The following CRMP1 variants were observed in gnomAD, a reference collection of about 807,000 sequenced individuals.
The protein encoded by CRMP1 is dihydropyrimidinase-related protein 1.
A neutral mutation model predicts 68.3 loss-of-function variants in CRMP1; 19 were observed. The ratio of observed to expected loss-of-function variants is 0.28; its 90% confidence interval spans 0.19 to 0.41. CRMP1 has a LOEUF of 0.41. Among genes scored for constraint, CRMP1 ranks in the 10% least tolerant of loss-of-function variants. The probability of loss-of-function intolerance (pLI) is 1.00; values close to 1 mark genes in which losing one functional copy is unlikely to be tolerated. For synonymous variants in CRMP1, 439 were observed against 399.6 expected (o/e 1.10, Z -1.18); for missense variants, 791 against 967.4 (o/e 0.82, Z 2.42).
Position 5,838,539 on chromosome 4 carries a change from C to T in CRMP1, c.1310+983G>A, listed in dbSNP as rs1321647826. Among the ~76,000 whole-genome samples the T allele has an allele frequency of 1.3e-5, 2 of 152,090 alleles. No homozygotes were observed. The highest frequency in any genetic ancestry group is 2.1e-4 in the South Asian group (1 of 4,830). On this transcript the variant is annotated intron_variant, in intron 9 of 13. Coordinates refer to ENST00000324989, the MANE Select transcript of CRMP1 (RefSeq NM_001014809.3). The surrounding 1 kb of genome is among the most constrained non-coding windows in gnomAD (Gnocchi z 4.9). ...GGATGGCCACAGCAGACAGGTGAGGCGTTGTCAGACTCTAGGGCCTCTGGT... is the reference window on the plus strand; with the variant it reads ...GGATGGCCACAGCAGACAGGTGAGGTGTTGTCAGACTCTAGGGCCTCTGGT...
At chr4:5,884,345 C>T (rs1280937997) in intron 1 of CRMP1, among the ~76,000 whole-genome samples, 1 of 152,036 alleles carries the variant, frequency 6.6e-6, no homozygotes, top group Non-Finnish European at 1.5e-5. Context: ...TTTACTTGAT[C>T]CTTCTTTCCT....
chr4:5,875,574 T>C (rs952072462), intron 1 of CRMP1, among the ~76,000 whole-genome samples: 7 of 152,028 alleles, frequency 4.6e-5, no homozygotes, highest in African/African-American at 1.4e-4. Flanking sequence ...TTGAGCTGAG[T>C]TCCACAATAT....
chr4:5,839,445 G>A lies in CRMP1; in HGVS notation c.1310+77C>T, dbSNP rs1409485343. The stretch of plus-strand genomic sequence containing the variant: ...TACAATCATGAGTCCAAACCAGCCT[G>A]CGGATTCCCACCATTAACTCTCTGC... On this transcript the variant is annotated intron_variant, in intron 9 of 13. Transcript: ENST00000324989. 7.9e-6 allele frequency: 12 copies of A among 1,517,634 alleles called. 1 individual carries two copies. Among genetic ancestry groups the A allele is most frequent in the Admixed American group, 2.0e-5 (1 of 50,282 alleles). The allele number at this position is 1,517,634 out of a possible 1,614,324, so 94.0% of individuals were successfully genotyped here.
In CRMP1 at chr4:5,835,971, C is replaced by T. The variant is rs780275060; in HGVS notation, c.1567G>A (p.Val523Met). The change falls in exon 11 of 14, where the codon GTG becomes ATG. Residue 523 changes from valine to methionine, a missense_variant. Transcript: ENST00000324989. ...AACTTGTCGGGGTCCCAGATGACCA[C>T]GTCGGCATCCGAGCCCACGGCAATC... ...GRIAVGSDAD[V>M]VIWDPDKLKT... is the part of the protein sequence containing the mutation. The T allele has an allele frequency of 6.3e-7, 1 of 1,597,434 alleles. No individual in the cohort carries two copies. Among genetic ancestry groups the T allele is most frequent in the Non-Finnish European group, 8.5e-7 (1 of 1,171,768 alleles).
rs1364599817 is a variant in CRMP1, at chr4:5,889,609, A to G, written c.381+2980T>C. On this transcript the variant is annotated intron_variant, in intron 1 of 13. Transcript: ENST00000324989. This position sits in a 1 kb window ranked among gnomAD's most constrained non-coding sequence, Gnocchi z 4.5. ...GGACAGGTGCCCCAAGTTCCCAGGC[A>G]GAATAAAACACCAACCTTGTCCACC... The G allele has an allele frequency of 2.6e-6, 4 of 1,536,190 alleles. No homozygotes were observed. In the South Asian group the frequency reaches 4.8e-5, roughly 18 times the overall value.
chr4:5,886,934 G>T (rs1370903619), intron 1 of CRMP1, among the ~76,000 whole-genome samples: 1 of 152,232 alleles, frequency 6.6e-6, no homozygotes, highest in East Asian at 1.9e-4. Flanking sequence ...CCTCTGGATG[G>T]GGGCTTGGCA....
Position 5,843,205 on chromosome 4 carries a change from A to T in CRMP1, c.964-44T>A, listed in dbSNP as rs1250930453. ...TGAGTTAACGATTAGAGGGTGTCAG[A>T]GCTGGGAGAAGTGACTCCTCCAACC... On this transcript the variant is annotated intron_variant, in intron 6 of 13. Transcript: ENST00000324989. This position sits in a 1 kb window ranked among gnomAD's most constrained non-coding sequence, Gnocchi z 4.1. The T allele has an allele frequency of 6.2e-7, 1 of 1,602,986 alleles. No individual in the cohort carries two copies. The highest frequency in any genetic ancestry group is 1.3e-5 in the African/African-American group (1 of 74,714).
chr4:5,833,455 C>T (rs1402370995), intron 11 of CRMP1, among the ~76,000 whole-genome samples: 5 of 86,538 alleles, frequency 5.8e-5, no homozygotes, highest in Non-Finnish European at 1.0e-4. Context: ...CGTGAGCCAC[C>T]GCGCCCGGCC....
At position 5,821,976 on chromosome 4, in the gene CRMP1, A is replaced by G. The variant is rs1718664915; in HGVS notation, c.1970-125T>C. On this transcript the variant is annotated intron_variant, in intron 13 of 13. Coordinates refer to ENST00000324989, the MANE Select transcript of CRMP1 (RefSeq NM_001014809.3). This position sits in a 1 kb window ranked among gnomAD's most constrained non-coding sequence, Gnocchi z 4.4. The stretch of plus-strand genomic sequence containing the variant: ...ACCTTCATTCAGGGCTCAGTCCAGG[A>G]CCAGCCATGGGAAGCCTCCCTGGCC... 3 of 834,042 alleles carry G rather than the reference A, an allele frequency of 3.6e-6. No individual in the cohort carries two copies. The highest frequency in any genetic ancestry group is 3.4e-5 in the African/African-American group (2 of 58,672). The allele number at this position is 834,042 out of a possible 1,614,324, so 51.7% of individuals were successfully genotyped here.
chr4:5,861,152 G>A lies in CRMP1; in HGVS notation c.529C>T (p.Arg177Trp), dbSNP rs147608754. Residue 177 changes from arginine to tryptophan, a missense_variant, in exon 3 of 14, where the codon CGG (arginine) becomes TGG (tryptophan). By Grantham distance (101) the Arg-to-Trp change is moderately radical. Coordinates refer to ENST00000324989, the MANE Select transcript of CRMP1 (RefSeq NM_001014809.3). The surrounding 1 kb of genome is among the most constrained non-coding windows in gnomAD (Gnocchi z 6.0). ...GGVKTIEANGRMVIPGGIDVN... is the reference protein window; with the variant it reads ...GGVKTIEANGWMVIPGGIDVN... Reference sequence around the variant, plus strand: ...TCAATACCTCCGGGAATAACCATCCGCCCGTTGGCTTCAATGGTCTTCACT... The same window carrying A: ...TCAATACCTCCGGGAATAACCATCCACCCGTTGGCTTCAATGGTCTTCACT... The A allele has an allele frequency of 9.3e-6, 15 of 1,614,070 alleles. No homozygotes were observed. Among genetic ancestry groups the A allele is most frequent in the South Asian group, 5.5e-5 (5 of 91,092 alleles).
chr4:5,888,556 G>A lies in CRMP1; in HGVS notation c.381+4033C>T. The A allele has an allele frequency of 8.8e-7, 1 of 1,133,710 alleles. No individual in the cohort carries two copies. The highest frequency in any genetic ancestry group is 1.1e-6 in the Non-Finnish European group (1 of 925,184). The allele number at this position is 1,133,710 out of a possible 1,614,324, so 70.2% of individuals were successfully genotyped here. ...GCTGCAGACAGCTCCTCCCGGCGGCGCGGAGCGAAGCCGGATTCGCCCCTC... is the reference window on the plus strand; with the variant it reads ...GCTGCAGACAGCTCCTCCCGGCGGCACGGAGCGAAGCCGGATTCGCCCCTC... On this transcript the variant is annotated intron_variant, in intron 1 of 13. Coordinates refer to ENST00000324989, the MANE Select transcript of CRMP1 (RefSeq NM_001014809.3). This position sits in a 1 kb window ranked among gnomAD's most constrained non-coding sequence, Gnocchi z 6.4.
chr4:5,839,813 G>T, intron 8 of CRMP1, 135 bp from the exon 9 acceptor site: 1 of 1,065,774 alleles, frequency 9.4e-7, no homozygotes, highest in Non-Finnish European at 1.3e-6. Context: ...CGTTCTTGCA[G>T]GCATCACCGC....
chr4:5,888,330 T>C lies in CRMP1; in HGVS notation c.381+4259A>G, dbSNP rs1244348390. ...GGGGCTGTCTGACTGGAACCGGCGC[T>C]CTCGGCCCCGCTCCCAGCGGGCGCG... On this transcript the variant is annotated intron_variant, in intron 1 of 13. Coordinates refer to ENST00000324989, the MANE Select transcript of CRMP1 (RefSeq NM_001014809.3). This position sits in a 1 kb window ranked among gnomAD's most constrained non-coding sequence, Gnocchi z 6.4. 23 of 1,239,800 alleles carry C rather than the reference T, an allele frequency of 1.9e-5. No homozygotes were observed. Among genetic ancestry groups the C allele is most frequent in the Admixed American group, 4.2e-5 (1 of 23,596 alleles). 76.8% of individuals were successfully genotyped at this position (1,239,800 alleles called of 1,614,324 possible). A position where few individuals can be genotyped will look rare whatever the true frequency, so the allele number is the denominator to read the frequency against.
chr4:5,821,995 C>A lies in CRMP1; in HGVS notation c.1970-144G>T. ...TCCAGGACCAGCCATGGGAAGCCTCCCTGGCCTCCACAGAGTCCACTGCTC... is the reference window on the plus strand; with the variant it reads ...TCCAGGACCAGCCATGGGAAGCCTCACTGGCCTCCACAGAGTCCACTGCTC... On this transcript the variant is annotated intron_variant, in intron 13 of 13. Transcript: ENST00000324989. The surrounding 1 kb of genome is among the most constrained non-coding windows in gnomAD (Gnocchi z 4.4). 1 of 661,410 alleles carries A rather than the reference C, an allele frequency of 1.5e-6. No individual in the cohort carries two copies. The highest frequency in any genetic ancestry group is 2.5e-6 in the Non-Finnish European group (1 of 407,546). The allele number at this position is 661,410 out of a possible 1,614,324, so 41.0% of individuals were successfully genotyped here.
chr4:5,857,115 AATC>A (rs150699330), intron 3 of CRMP1, among the ~76,000 whole-genome samples: 1 of 139,376 alleles, frequency 7.2e-6, no homozygotes, highest in Non-Finnish European at 1.6e-5. Context: ...CCACCACCAC[AATC>A]ATCACCATCA....
At chr4:5,823,880 A>G (rs571936566) in intron 13 of CRMP1, among the ~76,000 whole-genome samples, 3 of 152,348 alleles carry the variant, frequency 2.0e-5, no homozygotes, top group East Asian at 3.9e-4. Context: ...GTACAGCTCT[A>G]TAACGTAACA....
In CRMP1 at chr4:5,842,652, A is replaced by T. The variant is rs568959145; in HGVS notation, c.1032+441T>A. On this transcript the variant is annotated intron_variant, in intron 7 of 13. Transcript: ENST00000324989. This position sits in a 1 kb window ranked among gnomAD's most constrained non-coding sequence, Gnocchi z 4.5. ...CACACACACACGCACTGTCTCTCTC[A>T]CACACACACACTAACATACACACAC... is the stretch of plus-strand genomic sequence containing the variant. 3.3e-5 allele frequency among the ~76,000 whole-genome samples: 5 copies of T among 149,846 alleles called. No homozygotes were observed. In the East Asian group the frequency reaches 5.8e-4, roughly 18 times the overall value.
rs916126246 is a variant in CRMP1, at chr4:5,838,170, G to A, written c.1311-1264C>T. 3.3e-5 allele frequency among the ~76,000 whole-genome samples: 5 copies of A among 152,226 alleles called. No individual in the cohort carries two copies. The highest frequency in any genetic ancestry group is 2.6e-4 in the Admixed American group (4 of 15,288). On this transcript the variant is annotated intron_variant, in intron 9 of 13. Transcript: ENST00000324989. The surrounding 1 kb of genome is among the most constrained non-coding windows in gnomAD (Gnocchi z 4.9). Reference sequence around the variant, plus strand: ...AACCATGTGGCGTCTAAGAAAGAGGGAACTAGCCAGGGGTTCCCATGAGTG... The same window carrying A: ...AACCATGTGGCGTCTAAGAAAGAGGAAACTAGCCAGGGGTTCCCATGAGTG...
chr4:5,870,819 G>A lies in CRMP1; in HGVS notation c.382-4063C>T. 6.6e-6 allele frequency among the ~76,000 whole-genome samples: 1 copy of A among 152,176 alleles called. No individual in the cohort carries two copies. Among genetic ancestry groups the A allele is most frequent in the East Asian group, 1.9e-4 (1 of 5,188 alleles). On this transcript the variant is annotated intron_variant, in intron 1 of 13. Transcript: ENST00000324989. This position sits in a 1 kb window ranked among gnomAD's most constrained non-coding sequence, Gnocchi z 6.0. ...TCTTGACGGCAATCCGGGACCAATG[G>A]GAAAAAGAGGCCCAGGCTCTGCACG...
Sources: gnomAD v4.1 joint callset for allele counts (sites outside exome capture counted in the v4.1 genomes callset) on GRCh38, gnomAD v4.1.1 for gene constraint, Gnocchi (gnomAD v3.1) non-coding constraint, MANE v1.5 for transcripts, NCBI Gene and HGNC (gene_info 2026-07-23, HGNC 2026-07-21) for gene names.